ATP1A4: variants seen among roughly 807,000 people sequenced by gnomAD.
ATP1A4 encodes the protein sodium/potassium-transporting ATPase subunit alpha-4.
In ATP1A4, 90 loss-of-function variants were observed where a neutral mutation model predicts 114.3. The observed-to-expected ratio is 0.79, with a 90% CI of 0.66 to 0.94. ATP1A4 has a LOEUF of 0.94. Among genes scored for constraint, ATP1A4 ranks in the 40% least tolerant of loss-of-function variants. The pLI is 0.00. For synonymous variants in ATP1A4, 511 were observed against 494.1 expected, an observed-to-expected ratio of 1.03 and a Z score of -0.45; for missense variants, 1,222 against 1,313.6, an observed-to-expected ratio of 0.93 and a Z score of 1.08.
chr1:160,155,240 A>T lies in ATP1A4; in HGVS notation c.403A>T (p.Lys135Ter). 1 of 1,613,064 alleles carries T rather than the reference A, an allele frequency of 6.2e-7. No individual in the cohort carries two copies. Among genetic ancestry groups the T allele is most frequent in the Non-Finnish European group, 8.5e-7 (1 of 1,179,622 alleles). ...GATATATTTCAATGAGGAGCCTACC[A>T]AAGACAACGTGAGTCTCTTCAGCTA... ...IQIYFNEEPT[K>*]DNLYLSIVLS... Residue 135 changes from lysine to a stop codon, truncating the protein, a stop_gained, in exon 3 of 22, where the codon AAA (lysine) becomes TAA (stop). Transcript: ENST00000368081. LOFTEE classifies it high-confidence loss of function.
At chr1:160,153,800 T>C (rs1652540973) in intron 2 of ATP1A4, among the ~76,000 whole-genome samples, 1 of 152,168 alleles carries the variant, frequency 6.6e-6, no homozygotes, top group Non-Finnish European at 1.5e-5. Context: ...CCAGTTGGCC[T>C]TCAGAAAATT....
At chr1:160,152,258 A>G in intron 1 of ATP1A4, 71 bp downstream of exon 1, 1 of 1,528,192 alleles carries the variant, frequency 6.5e-7, no homozygotes, top group Non-Finnish European at 8.8e-7. Flanking sequence ...TTAACATCTT[A>G]CCTTGAGAAT....
intron 16 of ATP1A4, 93 bp downstream of exon 16, chr1:160,176,339 C>A: frequency 6.3e-7 from 1 of 1,587,966 alleles, no homozygotes; most frequent in East Asian, 2.2e-5. Flanking sequence ...AAACTCATGA[C>A]AACCCACTTA....
At chr1:160,178,537 T>C (rs1357863472) in intron 18 of ATP1A4, among the ~76,000 whole-genome samples, 1 of 151,978 alleles carries the variant, frequency 6.6e-6, no homozygotes, top group Non-Finnish European at 1.5e-5. Context: ...AAGCTGGGTA[T>C]GGTCGTGGGT....
At chr1:160,153,252 G>C (rs1183278720) in intron 2 of ATP1A4, 28 bp downstream of exon 2, 14 of 1,598,794 alleles carry the variant, frequency 8.8e-6, no homozygotes, top group Non-Finnish European at 1.2e-5. Context: ...TGAGGAGGCA[G>C]AGAGTCTCCA....
In ATP1A4 at chr1:160,151,853, C is replaced by G; in HGVS notation, c.-188C>G. On this transcript the variant is annotated 5_prime_UTR_variant, in exon 1 of 22. Coordinates refer to ENST00000368081, the MANE Select transcript of ATP1A4 (RefSeq NM_144699.4). ...CGCTCAGTCTCTCCTCTCTCACTTC[C>G]CTTCCTCTCTCTCACCTTCACCACC... The G allele has an allele frequency of 1.7e-6, 1 of 598,256 alleles. No homozygotes were observed. The highest frequency in any genetic ancestry group is 2.8e-6 in the Non-Finnish European group (1 of 352,338). 37.1% of individuals were successfully genotyped at this position (598,256 alleles called of 1,614,324 possible).
intron 15 of ATP1A4, among the ~76,000 whole-genome samples, chr1:160,175,569 A>G (rs949434058): frequency 2.6e-5 from 4 of 151,990 alleles, no homozygotes; most frequent in Admixed American, 2.6e-4. Flanking sequence ...ATAGTATGTT[A>G]AAAGAAGATA....
intron 10 of ATP1A4, chr1:160,170,579 C>CTTTTT (rs531465800): frequency 8.9e-6 from 1 of 112,676 alleles, no homozygotes. Context: ...GGTCTTTGGA[C>CTTTTT]TTTTTTTTTT....
chr1:160,154,020 G>T (rs1652549578), intron 2 of ATP1A4, among the ~76,000 whole-genome samples: 1 of 152,080 alleles, frequency 6.6e-6, no homozygotes. Context: ...CACAAGAGTG[G>T]AATGAGAATC....
Position 160,162,578 on chromosome 1 carries a change from G to A in ATP1A4, c.779-1578G>A, listed in dbSNP as rs377657262. On this transcript the variant is annotated intron_variant, in intron 6 of 21. Coordinates refer to ENST00000368081, the MANE Select transcript of ATP1A4 (RefSeq NM_144699.4). ...TAATTCTTTGTTGTGCGGGACAGGA[G>A]AGCTGTCTTGTGCGTGGCAGGATGT... Among the ~76,000 whole-genome samples the A allele has an allele frequency of 2.5e-4, 38 of 152,320 alleles. No homozygotes were observed. The South Asian group carries it at 7.9e-3, about 32-fold the overall frequency.
At chr1:160,170,241 A>G (rs1346760998) in intron 10 of ATP1A4, 1 of 152,180 alleles carries the variant, frequency 6.6e-6, no homozygotes, top group Non-Finnish European at 1.5e-5. Context: ...CCTGACCAGC[A>G]TGGTAAAACC....
At chr1:160,185,147 C>G (rs1480925198) in intron 20 of ATP1A4, among the ~76,000 whole-genome samples, 1 of 148,644 alleles carries the variant, frequency 6.7e-6, no homozygotes, top group Admixed American at 6.7e-5. Flanking sequence ...TGGTCTCGCT[C>G]TGTCGCCCAG....
intron 2 of ATP1A4, 49 bp downstream of exon 2, chr1:160,153,273 T>C (rs1275349726): frequency 1.3e-6 from 2 of 1,541,974 alleles, no homozygotes; most frequent in African/African-American, 1.4e-5. Context: ...ACTCTGACTG[T>C]GAGGCTGCCA....
intron 10 of ATP1A4, among the ~76,000 whole-genome samples, chr1:160,168,075 G>A (rs767841688): frequency 3.3e-5 from 5 of 152,170 alleles, no homozygotes; most frequent in East Asian, 1.9e-4. Context: ...TCCACTCTCC[G>A]GGGAGGAGTG....
Position 160,166,644 on chromosome 1 carries a change from C to T in ATP1A4, c.1164C>T (p.Thr388=). 1 of 1,614,184 alleles carries T rather than the reference C, an allele frequency of 6.2e-7. No individual in the cohort carries two copies. Among genetic ancestry groups the T allele is most frequent in the Middle Eastern group, 1.6e-4 (1 of 6,062 alleles). ...CCATCTGCTCAGACAAGACGGGCAC[C>T]CTCACCCAGAACCGCATGACCGTCG... ...TSTICSDKTG[T]LTQNRMTVAH... Residue 388 remains threonine, a synonymous_variant, in exon 8 of 22, where the codon ACC becomes ACT. Coordinates refer to ENST00000368081, the MANE Select transcript of ATP1A4 (RefSeq NM_144699.4).
chr1:160,170,939 T>C, intron 10 of ATP1A4: 1 of 250,698 alleles, frequency 4.0e-6, no homozygotes, highest in East Asian at 7.9e-5. Flanking sequence ...CCAGCCCCAC[T>C]ATTTCTGCTC....
chr1:160,159,570 C>A (rs905514924), intron 6 of ATP1A4, 44 bp downstream of exon 6: 3 of 1,519,252 alleles, frequency 2.0e-6, no homozygotes, highest in Non-Finnish European at 2.7e-6. Flanking sequence ...AAGCAGGCAC[C>A]AAAACATAAA....
chr1:160,156,348 C>T (rs927203), intron 4 of ATP1A4, among the ~76,000 whole-genome samples, 190 bp downstream of exon 4: 85,877 of 151,556 alleles, frequency 0.57, 24,599 homozygotes, highest in Middle Eastern at 0.69. Flanking sequence ...AAAGACATAA[C>T]GTCACCTATG....
chr1:160,185,519 C>A (rs1191750325), intron 20 of ATP1A4, among the ~76,000 whole-genome samples: 1 of 152,146 alleles, frequency 6.6e-6, no homozygotes, highest in Non-Finnish European at 1.5e-5. Context: ...GGCACGATGG[C>A]TCATGCCTAT....
Sources: gnomAD v4.1 joint callset for allele counts (sites outside exome capture counted in the v4.1 genomes callset) on GRCh38, gnomAD v4.1.1 for gene constraint, MANE v1.5 for transcripts, NCBI Gene and HGNC (gene_info 2026-07-23, HGNC 2026-07-21) for gene names.